The following CDC42EP5 variants were observed in gnomAD, a reference collection of about 807,000 sequenced individuals.
The protein encoded by CDC42EP5 is CDC42 effector protein (Rho GTPase binding) 5.
For synonymous variants in CDC42EP5, 118 were observed against 123.3 expected (o/e 0.96, Z 0.28); for missense variants, 269 against 238.0 (o/e 1.13, Z -0.86).
At chr19:54,467,093 CTG>C (rs1249939150) in intron 2 of CDC42EP5, among the ~76,000 whole-genome samples, 1 of 151,180 alleles carries the variant, frequency 6.6e-6, no homozygotes, top group African/African-American at 2.4e-5. Context: ...GCCTGGCCAA[CTG>C]TACCTGATCT....
At chr19:54,469,699 G>A (rs1334368404) in intron 2 of CDC42EP5, among the ~76,000 whole-genome samples, 4 of 152,150 alleles carry the variant, frequency 2.6e-5, no homozygotes, top group Non-Finnish European at 5.9e-5. Flanking sequence ...GTCACACCTC[G>A]GATCATTCTC....
chr19:54,465,603 G>C (rs2084745738), intron 2 of CDC42EP5, 56 bp from the exon 3 acceptor site: 1 of 1,392,392 alleles, frequency 7.2e-7, no homozygotes, highest in African/African-American at 1.5e-5. Context: ...GCAGCCACGC[G>C]ACTGCTCAAA....
chr19:54,468,919 C>CTTT (rs2084794758), intron 2 of CDC42EP5, among the ~76,000 whole-genome samples: 3 of 147,620 alleles, frequency 2.0e-5, no homozygotes, highest in East Asian at 2.0e-4. Flanking sequence ...TTCCTTCCTT[C>CTTT]CTTCTTTCTT....
Position 54,465,106 on chromosome 19 carries a change from G to C in CDC42EP5, c.442C>G (p.Leu148Val), listed in dbSNP as rs770799137. The change falls in exon 3 of 3, where the codon CTC (leucine) becomes GTC (valine). Residue 148 changes from leucine to valine, a missense_variant. By Grantham distance (32) the Leu-to-Val change is conservative (BLOSUM62 1). Transcript: ENST00000301200. ...ADLELNDVIGL is the reference protein window; with the variant it reads ...ADLELNDVIGV Reference sequence around the variant, plus strand: ...GGCGCGGGGAATGAGGGAACCTAGAGGCCGATGACGTCGTTCAGCTCGAGG... The same window carrying C: ...GGCGCGGGGAATGAGGGAACCTAGACGCCGATGACGTCGTTCAGCTCGAGG... 4.4e-6 allele frequency: 6 copies of C among 1,369,148 alleles called. No homozygotes were observed. In the Admixed American group the frequency reaches 2.1e-4, roughly 48 times the overall value. The allele number at this position is 1,369,148 out of a possible 1,614,324, so 84.8% of individuals were successfully genotyped here.
rs766036937 is a variant in CDC42EP5, at chr19:54,465,530, C to T, written c.18G>A (p.Gln6=). The change falls in exon 3 of 3, where the codon CAG becomes CAA. Residue 6 remains glutamine (Q), a synonymous_variant. Transcript: ENST00000301200. MPVLK[Q]LGPAQPKKRP... The stretch of plus-strand genomic sequence containing the variant: ...GCTTCTTGGGCTGCGCGGGGCCCAG[C>T]TGCTTCAGCACGGGCATCTGCGAGG... The T allele has an allele frequency of 6.5e-6, 10 of 1,536,442 alleles. No homozygotes were observed. The African/African-American group carries it at 1.4e-4, about 22-fold the overall frequency.
intron 2 of CDC42EP5, among the ~76,000 whole-genome samples, chr19:54,469,987 C>G (rs931023159): frequency 1.3e-5 from 2 of 152,160 alleles, no homozygotes; most frequent in African/African-American, 4.8e-5. Flanking sequence ...CATCTGGGCT[C>G]AAATTTTGCC....
chr19:54,471,408 AC>A (rs1296388595), intron 2 of CDC42EP5, 136 bp downstream of exon 2: 1 of 151,420 alleles, frequency 6.6e-6, no homozygotes, highest in African/African-American at 2.4e-5. Flanking sequence ...GGGTCGGGGG[AC>A]CCCAGATGGG....
At chr19:54,468,356 C>CAA (rs1489890999) in intron 2 of CDC42EP5, among the ~76,000 whole-genome samples, 5 of 151,790 alleles carry the variant, frequency 3.3e-5, no homozygotes, top group African/African-American at 1.2e-4. Context: ...TACACACACA[C>CAA]ACACACACAC....
At position 54,465,359 on chromosome 19, in the gene CDC42EP5, G is replaced by A. The variant is rs1313952356; in HGVS notation, c.189C>T (p.Pro63=). ...GGGPPPEPRA[P]PAGAPRSPPP... ...GCGGGGAGCGCGGGGCCCCCGCGGG[G>A]GGCGCCCGGGGCTCGGGGGGCGGCC... Residue 63 remains proline (P), a synonymous_variant, in exon 3 of 3, where the codon CCC becomes CCT. Transcript: ENST00000301200. 2 of 1,155,778 alleles carry A rather than the reference G, an allele frequency of 1.7e-6. No homozygotes were observed. The highest frequency in any genetic ancestry group is 1.1e-6 in the Non-Finnish European group (1 of 939,246). The allele number at this position is 1,155,778 out of a possible 1,614,324, so 71.6% of individuals were successfully genotyped here.
intron 1 of CDC42EP5, among the ~76,000 whole-genome samples, 153 bp from the exon 2 acceptor site, chr19:54,471,838 C>T (rs1349582355): frequency 6.6e-6 from 1 of 151,686 alleles, no homozygotes; most frequent in Non-Finnish European, 1.5e-5. Context: ...CAGGGGCCCC[C>T]AGCCCCTTCT....
Position 54,465,324 on chromosome 19 carries a change from G to C in CDC42EP5, c.224C>G (p.Ala75Gly), listed in dbSNP as rs1404064933. ...AGAPRSPPPP[A>G]VPQSAAPSPA... The stretch of plus-strand genomic sequence containing the variant: ...CGAGGGCGCTGCGGACTGCGGGACG[G>C]CGGGCGGCGGCGGGGAGCGCGGGGC... Residue 75 changes from alanine (A) to glycine (G), a missense_variant, in exon 3 of 3, where the codon GCC becomes GGC. Coordinates refer to ENST00000301200, the MANE Select transcript of CDC42EP5 (RefSeq NM_145057.4). The C allele has an allele frequency of 7.6e-6, 9 of 1,189,860 alleles. No homozygotes were observed. The highest frequency in any genetic ancestry group is 9.4e-6 in the Non-Finnish European group (9 of 961,376). 73.7% of individuals were successfully genotyped at this position (1,189,860 alleles called of 1,614,324 possible). A position where few individuals can be genotyped will look rare whatever the true frequency, so the allele number is the denominator to read the frequency against.
rs1447547976 is a variant in CDC42EP5, at chr19:54,473,134, C to G, written c.-212G>C. On this transcript the variant is annotated 5_prime_UTR_variant, in exon 1 of 3. Transcript: ENST00000301200. ...GGAGCCCAGGCAGAAGCGGAATCACCGCCCAGTCCCCAGGCAGAGAGGGTT... is the reference window on the plus strand; with the variant it reads ...GGAGCCCAGGCAGAAGCGGAATCACGGCCCAGTCCCCAGGCAGAGAGGGTT... The G allele has an allele frequency of 6.5e-6, 1 of 153,234 alleles. No individual in the cohort carries two copies. The highest frequency in any genetic ancestry group is 1.5e-5 in the Non-Finnish European group (1 of 68,684). 9.5% of individuals were successfully genotyped at this position (153,234 alleles called of 1,614,324 possible). A position where few individuals can be genotyped will look rare whatever the true frequency, so the allele number is the denominator to read the frequency against.
chr19:54,471,867 AAGACCCCCCAGCCCC>A (rs2084841331), intron 1 of CDC42EP5, among the ~76,000 whole-genome samples, 182 bp from the exon 2 acceptor site: 1 of 91,056 alleles, frequency 1.1e-5, no homozygotes, highest in Non-Finnish European at 2.2e-5. Flanking sequence ...CCCAGGGGTC[AAGACCCCCCAGCCCC>A]TCCTCCCTCA....
Position 54,465,371 on chromosome 19 carries a change from C to T in CDC42EP5, c.177G>A (p.Glu59=), listed in dbSNP as rs2084736445. 1 of 1,163,960 alleles carries T rather than the reference C, an allele frequency of 8.6e-7. No homozygotes were observed. The highest frequency in any genetic ancestry group is 1.1e-6 in the Non-Finnish European group (1 of 944,310). 72.1% of individuals were successfully genotyped at this position (1,163,960 alleles called of 1,614,324 possible). A position where few individuals can be genotyped will look rare whatever the true frequency, so the allele number is the denominator to read the frequency against. ...LSRHGGGPPP[E]PRAPPAGAPR... ...GGGCCCCCGCGGGGGGCGCCCGGGG[C>T]TCGGGGGGCGGCCCGCCGCCGTGGC... Residue 59 remains glutamate, a synonymous_variant, in exon 3 of 3, where the codon GAG becomes GAA. Coordinates refer to ENST00000301200, the MANE Select transcript of CDC42EP5 (RefSeq NM_145057.4).
rs746808635 is a variant in CDC42EP5, at chr19:54,465,178, G to A, written c.370C>T (p.Arg124Cys). ...GCCTGGGGGGGCTGCGTCCCGGGGC[G>A]GGGTTCCGCGTCGGGCTTGGCGGCA... ...AAAAKPDAEP[R>C]PGTQPPQARC... The change falls in exon 3 of 3, where the codon CGC becomes TGC. Residue 124 changes from arginine (R) to cysteine (C), a missense_variant. Arg to Cys is a radical substitution (Grantham distance 180, BLOSUM62 -3). Transcript: ENST00000301200. The A allele has an allele frequency of 1.1e-4, 158 of 1,422,572 alleles. No individual in the cohort carries two copies. The highest frequency in any genetic ancestry group is 1.0e-3 in the Middle Eastern group (5 of 4,958). The allele number at this position is 1,422,572 out of a possible 1,614,324, so 88.1% of individuals were successfully genotyped here.
rs974915124 is a variant in CDC42EP5 at position 54,465,373 on chromosome 19, CGGG to C, written c.172_174del (p.Pro58del). Reference sequence around the variant, plus strand: ...GCCCCCGCGGGGGGCGCCCGGGGCTCGGGGGGCGGCCCGCCGCCGTGGCGGCTC... The same window carrying C: ...GCCCCCGCGGGGGGCGCCCGGGGCTCGGGCGGCCCGCCGCCGTGGCGGCTC... On this transcript the variant is annotated inframe_deletion, in exon 3 of 3. Transcript: ENST00000301200. 1.7e-6 allele frequency: 2 copies of C among 1,164,506 alleles called. No homozygotes were observed. The highest frequency in any genetic ancestry group is 3.3e-5 in the African/African-American group (2 of 61,324). The allele number at this position is 1,164,506 out of a possible 1,614,324, so 72.1% of individuals were successfully genotyped here.
chr19:54,468,932 T>TTTCTTTCTTTCTTTCTTTCC (rs1476209524), intron 2 of CDC42EP5, among the ~76,000 whole-genome samples: 1 of 43,198 alleles, frequency 2.3e-5, no homozygotes, highest in Non-Finnish European at 4.8e-5. Context: ...TCTTTCTTTC[T>TTTCTTTCTTTCTTTCTTTCC]TTTCTTCCCT....
At chr19:54,466,399 G>A (rs1826088822) in intron 2 of CDC42EP5, among the ~76,000 whole-genome samples, 1 of 152,094 alleles carries the variant, frequency 6.6e-6, no homozygotes, top group Non-Finnish European at 1.5e-5. Flanking sequence ...TCACTGTATT[G>A]GCCACTGCAC....
At chr19:54,467,216 A>C (rs570461149) in intron 2 of CDC42EP5, among the ~76,000 whole-genome samples, 102 of 151,300 alleles carry the variant, frequency 6.7e-4, no homozygotes, top group African/African-American at 2.2e-3. Context: ...TTGGAGGCTG[A>C]AGCGGGTGGA....
Sources: gnomAD v4.1 joint callset for allele counts (sites outside exome capture counted in the v4.1 genomes callset) on GRCh38, gnomAD v4.1.1 for gene constraint, MANE v1.5 for transcripts, NCBI Gene and HGNC (gene_info 2026-07-23, HGNC 2026-07-21) for gene names.